Variants in SPECC1 observed in about 807,000 individuals in gnomAD.
The protein encoded by SPECC1 is cytospin-B.
SPECC1 carries 62 observed loss-of-function variants against 104.1 expected under a neutral mutation model. The ratio of observed to expected loss-of-function variants is 0.60; its 90% confidence interval spans 0.49 to 0.74. SPECC1 has a LOEUF of 0.74. Ranked by LOEUF, SPECC1 falls within the 30% of genes least tolerant of loss-of-function variation. SPECC1 has a pLI of 0.00. For synonymous variants in SPECC1, 513 were observed against 501.6 expected (o/e 1.02, Z -0.30); for missense variants, 1,306 against 1,310.5 (o/e 1.00, Z 0.05).
chr17:20,217,942 A>G (rs897995533), intron 4 of SPECC1, among the ~76,000 whole-genome samples: 17 of 152,100 alleles, frequency 1.1e-4, no homozygotes, highest in African/African-American at 3.9e-4. Context: ...CGAAGTGGGG[A>G]GAATGGCTTG....
intron 3 of SPECC1, among the ~76,000 whole-genome samples, chr17:20,135,987 A>T (rs2029913085): frequency 6.6e-6 from 1 of 152,130 alleles, no homozygotes; most frequent in South Asian, 2.1e-4. Flanking sequence ...GGAGGAGCCA[A>T]ATCTGTGGGA....
At chr17:20,016,557 G>A (rs1183770516) in intron 1 of SPECC1, among the ~76,000 whole-genome samples, 1 of 152,208 alleles carries the variant, frequency 6.6e-6, no homozygotes, top group African/African-American at 2.4e-5. Flanking sequence ...CCCCGCACTG[G>A]GAGCGGCCGG....
intron 3 of SPECC1, among the ~76,000 whole-genome samples, chr17:20,149,499 C>T (rs1015691561): frequency 3.3e-5 from 5 of 152,148 alleles, no homozygotes; most frequent in African/African-American, 1.2e-4. Flanking sequence ...AGTGAATTTC[C>T]CTGGCAGACA....
chr17:20,232,235 T>A lies in SPECC1; in HGVS notation c.2181T>A (p.Asp727Glu), dbSNP rs775988816. ...ETEEWRRFQA[D>E]LQTAVVVAND... ...AGGAATGGAGGCGGTTCCAGGCGGATCTGCAGACCGCAGTGGTGGTGGCCA... is the reference window on the plus strand; with the variant it reads ...AGGAATGGAGGCGGTTCCAGGCGGAACTGCAGACCGCAGTGGTGGTGGCCA... The change falls in exon 7 of 15, where the codon GAT becomes GAA. Residue 727 changes from aspartate (D) to glutamate (E), a missense_variant. Physicochemically the swap from Asp to Glu is conservative, Grantham distance 45. Around this residue, in one of 2 missense-constraint regions of SPECC1, gnomAD observed 1,177 missense variants for 1,139.9 expected, o/e 1.03. Coordinates refer to ENST00000395527, the MANE Select transcript of SPECC1 (RefSeq NM_001243439.2). 1 of 1,614,138 alleles carries A rather than the reference T, an allele frequency of 6.2e-7. No homozygotes were observed. The highest frequency in any genetic ancestry group is 8.5e-7 in the Non-Finnish European group (1 of 1,180,036).
At chr17:20,271,351 C>A (rs190863749) in intron 12 of SPECC1, among the ~76,000 whole-genome samples, 3 of 152,166 alleles carry the variant, frequency 2.0e-5, no homozygotes, top group East Asian at 1.9e-4. Flanking sequence ...CACTCCCACC[C>A]CCCCCATGCT....
At chr17:20,100,286 C>T (rs1024788241) in intron 2 of SPECC1, among the ~76,000 whole-genome samples, 1 of 152,072 alleles carries the variant, frequency 6.6e-6, no homozygotes, top group Non-Finnish European at 1.5e-5. Flanking sequence ...GGTTCTGTTC[C>T]TCTGATTTGA....
chr17:20,123,560 G>C (rs570756404), intron 3 of SPECC1, among the ~76,000 whole-genome samples: 1 of 150,782 alleles, frequency 6.6e-6, no homozygotes. Flanking sequence ...CTGACATGAG[G>C]AGGGGAACTC....
intron 3 of SPECC1, among the ~76,000 whole-genome samples, chr17:20,185,806 GTCT>G (rs1185463317): frequency 1.3e-5 from 2 of 152,244 alleles, no homozygotes; most frequent in East Asian, 3.9e-4. Context: ...AATCACAGGA[GTCT>G]TCAAGTGTGG....
At chr17:20,070,382 G>T (rs2046504432) in intron 1 of SPECC1, among the ~76,000 whole-genome samples, 1 of 152,046 alleles carries the variant, frequency 6.6e-6, no homozygotes, top group South Asian at 2.1e-4. Flanking sequence ...ATGTGGTTTT[G>T]TCCTTTATTC....
At chr17:20,096,890 C>A in intron 2 of SPECC1, 92 bp downstream of exon 2, 2 of 1,474,154 alleles carry the variant, frequency 1.4e-6, no homozygotes, top group Non-Finnish European at 9.2e-7. Flanking sequence ...AGTGGCCTCT[C>A]GGGGCAGGGA....
At chr17:20,037,349 C>G (rs908241523) in intron 1 of SPECC1, among the ~76,000 whole-genome samples, 3 of 151,968 alleles carry the variant, frequency 2.0e-5, no homozygotes, top group African/African-American at 7.3e-5. Context: ...CAGGGTTTTA[C>G]CATGTTGGCC....
At chr17:20,170,154 T>G (rs1432281876) in intron 3 of SPECC1, among the ~76,000 whole-genome samples, 2 of 152,214 alleles carry the variant, frequency 1.3e-5, no homozygotes, top group African/African-American at 4.8e-5. Context: ...GGATGTGTGT[T>G]GTTTGGCATC....
intron 12 of SPECC1, among the ~76,000 whole-genome samples, chr17:20,268,588 T>C (rs1361820268): frequency 6.6e-6 from 1 of 152,224 alleles, no homozygotes; most frequent in Non-Finnish European, 1.5e-5. Flanking sequence ...ACTTAGATGA[T>C]AGAGTCTCAA....
intron 2 of SPECC1, among the ~76,000 whole-genome samples, chr17:20,100,277 G>A (rs959240739): frequency 6.6e-6 from 1 of 152,118 alleles, no homozygotes; most frequent in African/African-American, 2.4e-5. Flanking sequence ...TCCAGCCCTG[G>A]TTCTGTTCCT....
chr17:20,071,870 T>C (rs1315657869), intron 1 of SPECC1, among the ~76,000 whole-genome samples: 2 of 152,248 alleles, frequency 1.3e-5, no homozygotes, highest in Non-Finnish European at 2.9e-5. Context: ...TTTCTATTAA[T>C]AGATTTACAG....
At chr17:20,179,601 A>G (rs2034721345) in intron 3 of SPECC1, among the ~76,000 whole-genome samples, 1 of 152,210 alleles carries the variant, frequency 6.6e-6, no homozygotes, top group Non-Finnish European at 1.5e-5. Context: ...GTCAGAAAGA[A>G]TGTCAGAGAT....
chr17:20,206,054 T>G, intron 4 of SPECC1, 142 bp downstream of exon 4: 1 of 1,190,244 alleles, frequency 8.4e-7, no homozygotes, highest in Non-Finnish European at 1.2e-6. Context: ...GAAGGCCTGT[T>G]AGATTGCACA....
At chr17:20,171,088 A>G (rs2034054292) in intron 3 of SPECC1, among the ~76,000 whole-genome samples, 2 of 152,260 alleles carry the variant, frequency 1.3e-5, no homozygotes, top group African/African-American at 2.4e-5. Flanking sequence ...TTATCTGTTT[A>G]TAGTTATATT....
intron 3 of SPECC1, among the ~76,000 whole-genome samples, chr17:20,178,312 G>A (rs1006371251): frequency 6.6e-6 from 1 of 152,132 alleles, no homozygotes; most frequent in East Asian, 1.9e-4. Flanking sequence ...ATGTTCCCGT[G>A]TCTAGGTGGA....
Sources: gnomAD v4.1 joint callset for allele counts (sites outside exome capture counted in the v4.1 genomes callset) on GRCh38, gnomAD v4.1.1 for gene constraint, gnomAD v4.1.1 regional missense constraint, MANE v1.5 for transcripts, NCBI Gene and HGNC (gene_info 2026-07-23, HGNC 2026-07-21) for gene names.